PTPA: variants seen among roughly 807,000 people sequenced by gnomAD.
PTPA encodes the protein serine/threonine-protein phosphatase 2A activator.
PTPA carries 13 observed loss-of-function variants against 43.6 expected under a neutral mutation model. That is an observed-to-expected ratio of 0.30 (90% CI 0.19 to 0.47). PTPA has a LOEUF of 0.47. PTPA is among the 20% of genes least tolerant of loss of function. The pLI, the probability that PTPA is intolerant of heterozygous loss-of-function variation, is 0.99. For synonymous variants in PTPA, 172 were observed against 158.2 expected (o/e 1.09, Z -0.66); for missense variants, 329 against 411.9 (o/e 0.80, Z 1.74).
rs765720849 is a variant in PTPA, at chr9:129,120,547, CT to C, written c.68del (p.Phe23SerfsTer37). Reference sequence around the variant, plus strand: ...AGGAGGCCCCTCCAGCCACTCAGAACTTCATCATTCCAAAAAAGGAGATCCA... The same window carrying C: ...AGGAGGCCCCTCCAGCCACTCAGAACTCATCATTCCAAAAAAGGAGATCCA... ...SEEAPPATQN[F>X]IIPKKEIHTV... On this transcript the variant is annotated frameshift_variant, in exon 2 of 10. Transcript: ENST00000393370. LOFTEE classifies it high-confidence loss of function. The C allele has an allele frequency of 6.2e-7, 1 of 1,603,462 alleles. No individual in the cohort carries two copies. The highest frequency in any genetic ancestry group is 1.7e-5 in the Admixed American group (1 of 59,042).
In PTPA at chr9:129,111,457, G is replaced by T; in HGVS notation, c.-144G>T. 8.0e-7 allele frequency: 1 copy of T among 1,256,776 alleles called. No individual in the cohort carries two copies. The highest frequency in any genetic ancestry group is 3.7e-5 in the South Asian group (1 of 26,868). 77.9% of individuals were successfully genotyped at this position (1,256,776 alleles called of 1,614,324 possible). A position where few individuals can be genotyped will look rare whatever the true frequency, so the allele number is the denominator to read the frequency against. ...CTTCGCTGTGGTGACTTTAACTCTC[G>T]GTTTTCGGTTATAGCCGGCCGGCGC... On this transcript the variant is annotated 5_prime_UTR_variant, in exon 1 of 10. Coordinates refer to ENST00000393370, the MANE Select transcript of PTPA (RefSeq NM_178000.3).
chr9:129,118,070 C>T lies in PTPA; in HGVS notation c.32-2443C>T, dbSNP rs1253201574. Among the ~76,000 whole-genome samples the T allele has an allele frequency of 2.0e-5, 3 of 147,816 alleles. No individual in the cohort carries two copies. In the Admixed American group the frequency reaches 2.0e-4, roughly 10 times the overall value. ...TTGTTTCTTTTTTTTTTTTTTCCCC[C>T]GAGATGGAGTCTTGCTCTGTCAACC... On this transcript the variant is annotated intron_variant, in intron 1 of 9. Coordinates refer to ENST00000393370, the MANE Select transcript of PTPA (RefSeq NM_178000.3).
At chr9:129,142,751 C>T (rs1850977474) in intron 9 of PTPA, 199 bp downstream of exon 9, 1 of 1,536,602 alleles carries the variant, frequency 6.5e-7, no homozygotes, top group Non-Finnish European at 8.7e-7. Flanking sequence ...AAGCACCAGC[C>T]ACCCCAGCCC....
intron 7 of PTPA, 76 bp downstream of exon 7, chr9:129,136,671 C>A: frequency 6.9e-7 from 1 of 1,459,310 alleles, no homozygotes. Context: ...GCCCCTCCTG[C>A]GCTCCCTCCT....
At chr9:129,120,439 A>AAAC in intron 1 of PTPA, 74 bp from the exon 2 acceptor site, 1 of 928,460 alleles carries the variant, frequency 1.1e-6, no homozygotes. Flanking sequence ...AAAAAAAAAA[A>AAAC]GGTGAAAGGG....
At chr9:129,142,838 G>A (rs1805339227) in intron 9 of PTPA, 3 of 1,532,172 alleles carry the variant, frequency 2.0e-6, no homozygotes, top group Non-Finnish European at 2.6e-6. Flanking sequence ...GAGTGGGGGC[G>A]ATGGGGGCCT....
chr9:129,143,607 G>A (rs995176002), intron 9 of PTPA: 1 of 609,470 alleles, frequency 1.6e-6, no homozygotes. Flanking sequence ...GGTCCTGAAG[G>A]GGTTAATGAG....
chr9:129,136,183 G>T (rs559060586), intron 6 of PTPA, among the ~76,000 whole-genome samples: 3 of 152,260 alleles, frequency 2.0e-5, no homozygotes, highest in South Asian at 4.2e-4. Flanking sequence ...TGGCCAGGAT[G>T]GTCTCGATCT....
In PTPA at chr9:129,111,578, G is replaced by A. The variant is rs1321517068; in HGVS notation, c.-23G>A. On this transcript the variant is annotated 5_prime_UTR_variant, in exon 1 of 10. Transcript: ENST00000393370. The stretch of plus-strand genomic sequence containing the variant: ...GGCGAGAGGGGACTGCAAGCATCCG[G>A]GTCGGCTCCTGGCCGGAGCAAGATG... 3.9e-6 allele frequency: 5 copies of A among 1,293,108 alleles called. No individual in the cohort carries two copies. The East Asian group carries it at 9.3e-5, about 24-fold the overall frequency. The allele number at this position is 1,293,108 out of a possible 1,614,324, so 80.1% of individuals were successfully genotyped here. A position where few individuals can be genotyped will look rare whatever the true frequency, so the allele number is the denominator to read the frequency against.
At chr9:129,140,509 C>T (rs1357563932) in intron 8 of PTPA, among the ~76,000 whole-genome samples, 1 of 152,202 alleles carries the variant, frequency 6.6e-6, no homozygotes, top group Non-Finnish European at 1.5e-5. Flanking sequence ...CCTGGCTCTG[C>T]CAGAGGCCTT....
chr9:129,127,967 T>C, intron 3 of PTPA: 1 of 1,331,178 alleles, frequency 7.5e-7, no homozygotes. Flanking sequence ...TATGTAGATG[T>C]GGAATGAGGT....
chr9:129,110,970 A>AAGGAGGAGGT (rs781301001), upstream of PTPA: 8 of 1,370,518 alleles, frequency 5.8e-6, no homozygotes, highest in Admixed American at 9.5e-5. This position sits in a 1 kb window ranked among gnomAD's most constrained non-coding sequence, Gnocchi z 5.3. Flanking sequence ...GTGGAGGAGG[A>AAGGAGGAGGT]AGGAGGAGGT....
chr9:129,145,349 TCAC>T lies in PTPA; in HGVS notation c.895-2035_895-2033del, dbSNP rs559830424. Among the ~76,000 whole-genome samples the T allele has an allele frequency of 1.3e-4, 20 of 150,588 alleles. 1 individual carries two copies. The highest frequency in any genetic ancestry group is 1.2e-3 in the Admixed American group (18 of 15,172). ...ATCTCAGGAAAAAAAAAAAAAAAGA[TCAC>T]CAAGTCTTTGCAGTGTTCAACACTC... On this transcript the variant is annotated intron_variant, in intron 9 of 9. Coordinates refer to ENST00000393370, the MANE Select transcript of PTPA (RefSeq NM_178000.3).
chr9:129,142,717 C>T lies in PTPA; in HGVS notation c.894+165C>T, dbSNP rs779059762. 45 of 1,539,384 alleles carry T rather than the reference C, an allele frequency of 2.9e-5. 1 individual carries two copies. Among genetic ancestry groups the T allele is most frequent in the Non-Finnish European group, 3.9e-5 (45 of 1,146,930 alleles). On this transcript the variant is annotated intron_variant, in intron 9 of 9. Coordinates refer to ENST00000393370, the MANE Select transcript of PTPA (RefSeq NM_178000.3). The stretch of plus-strand genomic sequence containing the variant: ...TGACACTTGGGGCCTCGGAATCTCC[C>T]ATCTGGGGCATGGGCAGTCAGAGAA...
intron 1 of PTPA, among the ~76,000 whole-genome samples, chr9:129,113,550 C>G (rs1050850401): frequency 1.3e-5 from 2 of 151,562 alleles, no homozygotes; most frequent in Admixed American, 6.6e-5. Context: ...AGGCGGATCA[C>G]TTGAGGTCAG....
At chr9:129,136,922 G>C (rs1850410387) in intron 7 of PTPA, among the ~76,000 whole-genome samples, 1 of 152,230 alleles carries the variant, frequency 6.6e-6, no homozygotes, top group Non-Finnish European at 1.5e-5. Context: ...CAGCTGTGGG[G>C]TTTTATGTTG....
chr9:129,141,206 A>G (rs1850797069), intron 8 of PTPA, among the ~76,000 whole-genome samples: 1 of 152,132 alleles, frequency 6.6e-6, no homozygotes, highest in African/African-American at 2.4e-5. Context: ...CTAGAGAAGT[A>G]AGAGGCCTGC....
intron 3 of PTPA, among the ~76,000 whole-genome samples, chr9:129,126,558 TAAG>T (rs1297479867): frequency 6.6e-6 from 1 of 152,200 alleles, no homozygotes; most frequent in Non-Finnish European, 1.5e-5. Flanking sequence ...ATAAATGTGA[TAAG>T]AGATTTATTT....
At chr9:129,147,344 G>A (rs2131641308) in intron 9 of PTPA, 43 bp from the exon 10 acceptor site, 2 of 1,591,702 alleles carry the variant, frequency 1.3e-6, no homozygotes, top group East Asian at 2.2e-5. Context: ...GCAGGGGTGT[G>A]GTGTGGCCCT....
Sources: gnomAD v4.1 joint callset for allele counts (sites outside exome capture counted in the v4.1 genomes callset) on GRCh38, gnomAD v4.1.1 for gene constraint, Gnocchi (gnomAD v3.1) non-coding constraint, MANE v1.5 for transcripts, NCBI Gene and HGNC (gene_info 2026-07-23, HGNC 2026-07-21) for gene names.